DNAH9: variants seen among roughly 807,000 people sequenced by gnomAD.
The protein encoded by DNAH9 is DNAH9 variant protein.
DNAH9 carries 345 observed loss-of-function variants against 471.6 expected under a neutral mutation model. That is an observed-to-expected ratio of 0.73 (90% confidence interval 0.67 to 0.80). DNAH9 has a LOEUF of 0.80. Ranked by LOEUF, DNAH9 falls within the 30% of genes least tolerant of loss-of-function variation. The pLI is 0.00. For synonymous variants in DNAH9, 2,093 were observed against 2,123.6 expected (o/e 0.99, Z 0.40); for missense variants, 5,407 against 5,609.2 (o/e 0.96, Z 1.15).
chr17:11,956,102 C>CA (rs1420860330), intron 67 of DNAH9, among the ~76,000 whole-genome samples: 1 of 151,356 alleles, frequency 6.6e-6, no homozygotes, highest in East Asian at 1.9e-4. Context: ...AAACAAAGGA[C>CA]AAAAAAACTA....
intron 29 of DNAH9, among the ~76,000 whole-genome samples, chr17:11,740,304 C>A (rs1200340408): frequency 6.6e-6 from 1 of 152,024 alleles, no homozygotes; most frequent in African/African-American, 2.4e-5. Context: ...GTTCAGGGTG[C>A]CATAATAAAA....
intron 11 of DNAH9, among the ~76,000 whole-genome samples, chr17:11,645,860 C>T (rs1234434473): frequency 6.8e-6 from 1 of 147,532 alleles, no homozygotes; most frequent in Non-Finnish European, 1.5e-5. Context: ...ATGTCCTGTA[C>T]ATTTCTCTTT....
intron 62 of DNAH9, among the ~76,000 whole-genome samples, chr17:11,928,501 C>T: frequency 6.6e-6 from 1 of 152,230 alleles, no homozygotes; most frequent in East Asian, 1.9e-4. Flanking sequence ...TAATGAAACA[C>T]ATTGCAATGA....
chr17:11,780,399 C>T (rs1028645491), intron 38 of DNAH9, among the ~76,000 whole-genome samples: 2 of 152,180 alleles, frequency 1.3e-5, no homozygotes, highest in Non-Finnish European at 2.9e-5. Context: ...CTTACAGCCT[C>T]GGAGAGGAAA....
intron 41 of DNAH9, among the ~76,000 whole-genome samples, chr17:11,784,805 C>T (rs1031629417): frequency 1.3e-5 from 2 of 152,078 alleles, no homozygotes; most frequent in Non-Finnish European, 2.9e-5. Flanking sequence ...CTGCAGAAGG[C>T]TCAACACCTT....
intron 53 of DNAH9, 23 bp from the exon 54 acceptor site, chr17:11,880,055 C>A (rs773354048): frequency 1.2e-6 from 2 of 1,613,022 alleles, no homozygotes; most frequent in South Asian, 1.1e-5. Flanking sequence ...CTCATACTCC[C>A]GGACTCATAC....
Position 11,644,531 on chromosome 17 carries a change from GAGC to G in DNAH9, c.1902-99_1902-97del, listed in dbSNP as rs2073341731. The G allele has an allele frequency of 3.6e-6, 3 of 832,782 alleles. No individual in the cohort carries two copies. The African/African-American group carries it at 5.2e-5, about 14-fold the overall frequency. 51.6% of individuals were successfully genotyped at this position (832,782 alleles called of 1,614,324 possible). ...CAGGGCTGTTTGGAAACGAGCCAAGGAGCTATTCACGCTCTTCTTTGGAGACTG... is the reference window on the plus strand; with the variant it reads ...CAGGGCTGTTTGGAAACGAGCCAAGGTATTCACGCTCTTCTTTGGAGACTG... On this transcript the variant is annotated intron_variant, in intron 10 of 68. Transcript: ENST00000262442.
chr17:11,760,734 G>A (rs1007264008), intron 35 of DNAH9, among the ~76,000 whole-genome samples: 1 of 152,076 alleles, frequency 6.6e-6, no homozygotes, highest in African/African-American at 2.4e-5. Context: ...TTGCCAGGAT[G>A]GTCTCAATCT....
chr17:11,949,283 A>AG (rs1975267537), intron 67 of DNAH9, among the ~76,000 whole-genome samples: 1 of 152,192 alleles, frequency 6.6e-6, no homozygotes, highest in East Asian at 1.9e-4. Context: ...GCCAAAACCG[A>AG]GGAAGCACCT....
At chr17:11,624,508 CA>C (rs5819329) in intron 6 of DNAH9, among the ~76,000 whole-genome samples, 18 of 147,456 alleles carry the variant, frequency 1.2e-4, no homozygotes, top group Admixed American at 1.0e-3. Flanking sequence ...GACTCCATCT[CA>C]AAAAAAAAAG....
intron 38 of DNAH9, among the ~76,000 whole-genome samples, chr17:11,770,974 C>T (rs149858313): frequency 2.3e-3 from 356 of 152,218 alleles, no homozygotes; most frequent in African/African-American, 7.7e-3. Flanking sequence ...CAGTAGCACA[C>T]CATTATAAAC....
In DNAH9 at chr17:11,784,557, G is replaced by A. The variant is rs202027280; in HGVS notation, c.8061+18G>A. ...TTTTCCAGGTGAGTTCATCGGCTCC[G>A]AGACACCCTAGGGGCTTAGTGATTA... On this transcript the variant is annotated intron_variant, in intron 41 of 68. Coordinates refer to ENST00000262442, the MANE Select transcript of DNAH9 (RefSeq NM_001372.4). 418 of 1,613,896 alleles carry A rather than the reference G, an allele frequency of 2.6e-4. 2 individuals are homozygous for A. The African/African-American group carries it at 4.3e-3, about 17-fold the overall frequency.
At chr17:11,691,252 A>T (rs111441877) in intron 20 of DNAH9, among the ~76,000 whole-genome samples, 3,703 of 152,334 alleles carry the variant, frequency 0.024, 153 homozygotes, top group African/African-American at 0.083. Context: ...AAAGTAATAG[A>T]AAACAATTCT....
At chr17:11,889,037 CT>C (rs1972968871) in intron 57 of DNAH9, among the ~76,000 whole-genome samples, 1 of 152,182 alleles carries the variant, frequency 6.6e-6, no homozygotes, top group African/African-American at 2.4e-5. Context: ...TAAGATGGAA[CT>C]TAAGTGGCAG....
intron 17 of DNAH9, among the ~76,000 whole-genome samples, chr17:11,674,204 T>C (rs1227636580): frequency 2.0e-5 from 3 of 152,200 alleles, no homozygotes; most frequent in African/African-American, 7.2e-5. Flanking sequence ...AGAACTCTTA[T>C]ATGTGATCAT....
At position 11,691,272 on chromosome 17, in the gene DNAH9, T is replaced by G. The variant is rs149689544; in HGVS notation, c.4614+836T>G. ...AATAGAAAACAATTCTGTATGGCAG[T>G]TGTCATTAAGTCAAATTGAATAAGC... On this transcript the variant is annotated intron_variant, in intron 20 of 68. Transcript: ENST00000262442. Among the ~76,000 whole-genome samples, 20 of 152,342 alleles carry G rather than the reference T, an allele frequency of 1.3e-4. 1 individual carries two copies. In the East Asian group the frequency reaches 3.5e-3, roughly 26 times the overall value.
chr17:11,949,770 T>C (rs1466264864), intron 67 of DNAH9, among the ~76,000 whole-genome samples: 1 of 152,148 alleles, frequency 6.6e-6, no homozygotes, highest in Non-Finnish European at 1.5e-5. Flanking sequence ...TGAGCCACCA[T>C]GCCCAGCCAA....
intron 27 of DNAH9, among the ~76,000 whole-genome samples, chr17:11,722,676 A>G (rs956686939): frequency 6.6e-6 from 1 of 152,144 alleles, no homozygotes; most frequent in Non-Finnish European, 1.5e-5. Context: ...CTGGGTGTGC[A>G]TTGAGCTGGG....
chr17:11,805,373 C>G (rs1969627760), intron 43 of DNAH9, among the ~76,000 whole-genome samples: 1 of 152,008 alleles, frequency 6.6e-6, no homozygotes, highest in South Asian at 2.1e-4. Flanking sequence ...CTGGAGCTAG[C>G]TAGACCTTAT....
Sources: allele counts gnomAD v4.1 joint callset (sites outside exome capture counted in the v4.1 genomes callset), GRCh38; gene constraint gnomAD v4.1.1; transcripts MANE v1.5; gene names NCBI Gene and HGNC (gene_info 2026-07-23, HGNC 2026-07-21).